NEGR1: variants seen among roughly 807,000 people sequenced by gnomAD.
NEGR1 encodes the protein IgLON family member 4.
A neutral mutation model predicts 40.9 loss-of-function variants in NEGR1; 10 were observed. The observed-to-expected ratio is 0.24, with a 90% CI of 0.15 to 0.42. The LOEUF is 0.42. Ranked by LOEUF, NEGR1 falls within the 10% of genes least tolerant of loss-of-function variation. The pLI is 1.00. For missense variants in NEGR1, 352 were observed against 438.9 expected, an observed-to-expected ratio of 0.80 and a Z score of 1.77; for synonymous variants, 185 against 166.8, an observed-to-expected ratio of 1.11 and a Z score of -0.84.
chr1:72,176,187 G>C (rs1459529582), intron 1 of NEGR1, among the ~76,000 whole-genome samples: 1 of 151,960 alleles, frequency 6.6e-6, no homozygotes, highest in African/African-American at 2.4e-5. Context: ...TCTAGCAATG[G>C]TATGTAGAAT....
At chr1:71,616,425 G>C (rs934011474) in intron 4 of NEGR1, among the ~76,000 whole-genome samples, 2 of 152,240 alleles carry the variant, frequency 1.3e-5, no homozygotes, top group African/African-American at 4.8e-5. Context: ...AGGTGGAGCT[G>C]AGGCAGTGTT....
chr1:72,004,681 A>G (rs978408163), intron 1 of NEGR1, among the ~76,000 whole-genome samples: 22 of 152,184 alleles, frequency 1.4e-4, no homozygotes, highest in African/African-American at 5.3e-4. Flanking sequence ...ATATACCATA[A>G]CATCCTTGGT....
intron 1 of NEGR1, among the ~76,000 whole-genome samples, chr1:72,027,789 C>T (rs1646825061): frequency 6.6e-6 from 1 of 152,192 alleles, no homozygotes; most frequent in Non-Finnish European, 1.5e-5. Context: ...CCTTGCTACT[C>T]AAAGGGTGAT....
At chr1:72,143,901 ATATGATATATATAATAT>A (rs1557548416) in intron 1 of NEGR1, among the ~76,000 whole-genome samples, 8 of 82,946 alleles carry the variant, frequency 9.6e-5, no homozygotes, top group African/African-American at 3.8e-4. Flanking sequence ...TATATTATAT[ATATGATATATATAATAT>A]ATATATATAT....
At chr1:71,552,983 T>G (rs1648135906) in intron 6 of NEGR1, among the ~76,000 whole-genome samples, 1 of 151,516 alleles carries the variant, frequency 6.6e-6, no homozygotes, top group African/African-American at 2.4e-5. Context: ...CTTAAATTTT[T>G]GTAACACAGA....
chr1:71,481,241 G>A (rs1646851899), intron 6 of NEGR1, among the ~76,000 whole-genome samples: 1 of 151,726 alleles, frequency 6.6e-6, no homozygotes, highest in Non-Finnish European at 1.5e-5. Flanking sequence ...CCCACAACTT[G>A]GCATAGTGGG....
At chr1:72,165,277 G>C (rs1162839118) in intron 1 of NEGR1, among the ~76,000 whole-genome samples, 2 of 151,984 alleles carry the variant, frequency 1.3e-5, no homozygotes, top group East Asian at 3.8e-4. Flanking sequence ...ACCATATTTT[G>C]ATATACAGAA....
intron 1 of NEGR1, among the ~76,000 whole-genome samples, chr1:72,101,664 A>C (rs545037097): frequency 6.6e-6 from 1 of 152,178 alleles, no homozygotes; most frequent in African/African-American, 2.4e-5. Flanking sequence ...GATAGGGTTA[A>C]TTCAGAATGA....
chr1:71,907,993 G>C (rs1011587387), intron 2 of NEGR1, among the ~76,000 whole-genome samples: 1 of 151,986 alleles, frequency 6.6e-6, no homozygotes, highest in Non-Finnish European at 1.5e-5. Flanking sequence ...AGACACGGGG[G>C]TCTACTAGAG....
At chr1:72,192,009 TTA>T (rs1202067401) in intron 1 of NEGR1, among the ~76,000 whole-genome samples, 1 of 151,968 alleles carries the variant, frequency 6.6e-6, no homozygotes, top group Non-Finnish European at 1.5e-5. Flanking sequence ...TCATATAAAA[TTA>T]TAGTCTTTAC....
chr1:72,142,705 T>C (rs1650733487), intron 1 of NEGR1, among the ~76,000 whole-genome samples: 1 of 151,912 alleles, frequency 6.6e-6, no homozygotes, highest in African/African-American at 2.4e-5. Flanking sequence ...CATTGAATTC[T>C]AACAGCATCA....
At chr1:71,834,408 C>T (rs137981809) in intron 2 of NEGR1, among the ~76,000 whole-genome samples, 1 of 151,990 alleles carries the variant, frequency 6.6e-6, no homozygotes, top group Non-Finnish European at 1.5e-5. Context: ...CATGGAGGAC[C>T]TGAAGAGATA....
chr1:71,528,627 C>T (rs1001702451), intron 6 of NEGR1, among the ~76,000 whole-genome samples: 2 of 151,216 alleles, frequency 1.3e-5, no homozygotes, highest in African/African-American at 4.8e-5. Flanking sequence ...AATTTCTTTA[C>T]ATAATATGGT....
chr1:71,850,730 CA>C (rs1290754837), intron 2 of NEGR1, among the ~76,000 whole-genome samples: 1 of 152,064 alleles, frequency 6.6e-6, no homozygotes, highest in African/African-American at 2.4e-5. Flanking sequence ...GGCATTGCCT[CA>C]TTCAGATGCT....
intron 1 of NEGR1, among the ~76,000 whole-genome samples, chr1:71,941,817 A>C (rs2100247768): frequency 6.6e-6 from 1 of 152,216 alleles, no homozygotes; most frequent in East Asian, 1.9e-4. Flanking sequence ...TCCTCAAAAC[A>C]AGACTTTGAG....
chr1:71,442,599 G>C (rs113875222), intron 6 of NEGR1, among the ~76,000 whole-genome samples: 19,565 of 152,204 alleles, frequency 0.13, 1,571 homozygotes, highest in Non-Finnish European at 0.18. Context: ...GGGAGACAGA[G>C]TGAGACTCCG....
chr1:71,436,136 G>T (rs1646507823), intron 6 of NEGR1, among the ~76,000 whole-genome samples: 1 of 152,038 alleles, frequency 6.6e-6, no homozygotes, highest in African/African-American at 2.4e-5. Context: ...ATAAATTCCT[G>T]CTGGAGGAAA....
At chr1:71,791,349 A>G (rs1409797744) in intron 2 of NEGR1, among the ~76,000 whole-genome samples, 1 of 152,046 alleles carries the variant, frequency 6.6e-6, no homozygotes, top group Non-Finnish European at 1.5e-5. Context: ...TGGGTTACTT[A>G]CATGTATTGA....
chr1:72,243,812 A>G (rs1654822225), intron 1 of NEGR1, among the ~76,000 whole-genome samples: 1 of 151,864 alleles, frequency 6.6e-6, no homozygotes, highest in South Asian at 2.1e-4. Context: ...CTGTTTTATG[A>G]CACTTCAAAT....
Sources: gnomAD v4.1 joint callset for allele counts (sites outside exome capture counted in the v4.1 genomes callset) on GRCh38, gnomAD v4.1.1 for gene constraint, MANE v1.5 for transcripts, NCBI Gene and HGNC (gene_info 2026-07-23, HGNC 2026-07-21) for gene names.